Variants in ZC3HC1 observed in about 807,000 individuals in gnomAD.
ZC3HC1 encodes zinc finger C3HC-type containing 1.
A neutral mutation model predicts 61.9 loss-of-function variants in ZC3HC1; 38 were observed. The observed-to-expected ratio is 0.61, with a 90% CI of 0.47 to 0.81. The LOEUF (loss-of-function observed/expected upper bound fraction) is 0.81, where lower values mean the gene tolerates loss of function less well. ZC3HC1 is among the 30% of genes least tolerant of loss of function. The pLI, the probability that ZC3HC1 is intolerant of heterozygous loss-of-function variation, is 0.00. For missense variants in ZC3HC1, 554 were observed against 622.7 expected (o/e 0.89, Z 1.17); for synonymous variants, 213 against 229.9 (o/e 0.93, Z 0.67).
chr7:130,044,338 A>G (rs1794789569), intron 2 of ZC3HC1, among the ~76,000 whole-genome samples: 1 of 152,196 alleles, frequency 6.6e-6, no homozygotes, highest in African/African-American at 2.4e-5. Context: ...CTTTTAAATA[A>G]CATTCTCCAC....
chr7:130,030,823 T>G (rs1794149992), intron 4 of ZC3HC1, among the ~76,000 whole-genome samples: 1 of 151,510 alleles, frequency 6.6e-6, no homozygotes, highest in Non-Finnish European at 1.5e-5. Context: ...CGCCCGCCAC[T>G]GCGCCTGGCT....
In ZC3HC1 at chr7:130,039,523, T is replaced by G. The variant is rs201190884; in HGVS notation, c.434A>C (p.Lys145Thr). 2.0e-5 allele frequency: 33 copies of G among 1,612,538 alleles called. No individual in the cohort carries two copies. The change falls in exon 4 of 10, where the codon AAG becomes ACG. Residue 145 changes from lysine to threonine, a missense_variant. Lys to Thr is a moderately conservative substitution (Grantham distance 78, BLOSUM62 -1). Coordinates refer to ENST00000358303, the MANE Select transcript of ZC3HC1 (RefSeq NM_016478.5). ...CTCATGGGCAGTACACAAGGCTTTC[T>G]TCAGCTCAGCACATCGTTGCTTATC... is the stretch of plus-strand genomic sequence containing the variant. The part of the protein sequence containing the change: ...DRYKQRCAEL[K>T]KALCTAHEKF...
chr7:130,050,941 A>C (rs1795050834), intron 1 of ZC3HC1, among the ~76,000 whole-genome samples: 2 of 152,354 alleles, frequency 1.3e-5, no homozygotes, highest in South Asian at 4.1e-4. Flanking sequence ...AAGAATCCCC[A>C]ATTAAGAGAA....
At chr7:130,021,706 C>T (rs1408047613) in intron 9 of ZC3HC1, among the ~76,000 whole-genome samples, 2 of 152,180 alleles carry the variant, frequency 1.3e-5, no homozygotes, top group Non-Finnish European at 2.9e-5. Context: ...CAACATGAGG[C>T]CGGAGCAGCT....
At chr7:130,020,667 C>T (rs1050132175) in intron 9 of ZC3HC1, among the ~76,000 whole-genome samples, 2 of 151,298 alleles carry the variant, frequency 1.3e-5, no homozygotes, top group Non-Finnish European at 2.9e-5. Flanking sequence ...GACACACTAC[C>T]GAAAAAAAAA....
chr7:130,024,164 A>G, intron 7 of ZC3HC1, 99 bp downstream of exon 7: 1 of 1,451,620 alleles, frequency 6.9e-7, no homozygotes, highest in Middle Eastern at 2.2e-4. Context: ...TAGTGGGAAG[A>G]GAAGCCTATC....
Position 130,022,405 on chromosome 7 carries a change from C to G in ZC3HC1, c.1354G>C (p.Ala452Pro), listed in dbSNP as rs149257210. ...GCTTTCCAGCCTGGCTCTGCTGGGG[C>G]GCTGGCATCTGGTTCAGTTCCACCA... ...ENGGTEPDAS[A>P]PAEPGWKAVL... Residue 452 changes from alanine to proline, a missense_variant, in exon 9 of 10, where the codon GCC (alanine) becomes CCC (proline). Ala to Pro is a conservative substitution (Grantham distance 27). Coordinates refer to ENST00000358303, the MANE Select transcript of ZC3HC1 (RefSeq NM_016478.5). The G allele has an allele frequency of 6.2e-7, 1 of 1,613,072 alleles. No individual in the cohort carries two copies.
intron 4 of ZC3HC1, 152 bp downstream of exon 4, chr7:130,039,312 C>G (rs112339969): frequency 0.02 from 13,362 of 680,992 alleles, 203 homozygotes; most frequent in Middle Eastern, 0.046. Context: ...CCACTGTACT[C>G]CAGCCTGGGC....
intron 2 of ZC3HC1, among the ~76,000 whole-genome samples, chr7:130,041,868 A>C (rs1794689176): frequency 6.6e-6 from 1 of 152,228 alleles, no homozygotes; most frequent in African/African-American, 2.4e-5. Flanking sequence ...ATTAAGGAGA[A>C]AGGCAATGAG....
chr7:130,018,854 C>T (rs547908254), intron 9 of ZC3HC1, 122 bp from the exon 10 acceptor site: 8 of 803,514 alleles, frequency 1.0e-5, no homozygotes, highest in Non-Finnish European at 1.6e-5. Flanking sequence ...TTGTAGTATG[C>T]TATACATAAT....
chr7:130,039,101 T>C (rs1372699651), intron 4 of ZC3HC1, among the ~76,000 whole-genome samples: 2 of 151,876 alleles, frequency 1.3e-5, no homozygotes, highest in Non-Finnish European at 2.9e-5. Context: ...TCCCAGCACT[T>C]TGGGAGGCCG....
intron 6 of ZC3HC1, 63 bp from the exon 7 acceptor site, chr7:130,024,569 T>C: frequency 6.5e-7 from 1 of 1,539,608 alleles, no homozygotes; most frequent in Admixed American, 1.9e-5. Flanking sequence ...CTAAGTGCAA[T>C]GTCTTGTGAG....
chr7:130,049,096 C>A lies in ZC3HC1; in HGVS notation c.195G>T (p.Ala65=). ...TTGTAGATTCCAATGAAGGTTGTTC[C>A]GCTTGGGGTGATCCATTAACTGACT... is the stretch of plus-strand genomic sequence containing the variant. ...TSQSVNGSPQ[A]EQPSLESTSK... Residue 65 remains alanine, a synonymous_variant, in exon 2 of 10, where the codon GCG becomes GCT. Coordinates refer to ENST00000358303, the MANE Select transcript of ZC3HC1 (RefSeq NM_016478.5). 11 of 1,609,818 alleles carry A rather than the reference C, an allele frequency of 6.8e-6. No homozygotes were observed. The highest frequency in any genetic ancestry group is 8.5e-6 in the Non-Finnish European group (10 of 1,178,204).
intron 5 of ZC3HC1, chr7:130,026,566 T>C: frequency 3.0e-6 from 1 of 333,364 alleles, no homozygotes; most frequent in Non-Finnish European, 5.5e-6. Context: ...TTGTTAGTAC[T>C]AAATTGTTCA....
At chr7:130,045,981 C>A (rs562068540) in intron 2 of ZC3HC1, among the ~76,000 whole-genome samples, 2 of 150,692 alleles carry the variant, frequency 1.3e-5, no homozygotes, top group Non-Finnish European at 2.9e-5. Context: ...ATAAAAGGAA[C>A]GAGATCATGT....
chr7:130,033,744 G>A (rs79096863), intron 4 of ZC3HC1, among the ~76,000 whole-genome samples: 4,067 of 152,150 alleles, frequency 0.027, 153 homozygotes, highest in African/African-American at 0.092. Context: ...GAGCCACCAC[G>A]CCTGGCCTGT....
At chr7:130,034,899 C>T (rs1414745650) in intron 4 of ZC3HC1, among the ~76,000 whole-genome samples, 1 of 152,116 alleles carries the variant, frequency 6.6e-6, no homozygotes, top group East Asian at 1.9e-4. Context: ...TATAACATCT[C>T]TTCCTTCAAA....
intron 4 of ZC3HC1, among the ~76,000 whole-genome samples, chr7:130,033,966 G>C (rs907707373): frequency 6.6e-6 from 1 of 151,976 alleles, no homozygotes; most frequent in African/African-American, 2.4e-5. Flanking sequence ...ACTACATTTG[G>C]GCCCCTTCTA....
intron 4 of ZC3HC1, among the ~76,000 whole-genome samples, chr7:130,031,243 T>C (rs1483929609): frequency 6.6e-6 from 1 of 150,626 alleles, no homozygotes; most frequent in Non-Finnish European, 1.5e-5. Context: ...GCAGAATCGC[T>C]TGAACCCGGG....
Sources: allele counts gnomAD v4.1 joint callset (sites outside exome capture counted in the v4.1 genomes callset), GRCh38; gene constraint gnomAD v4.1.1; transcripts MANE v1.5; gene names NCBI Gene and HGNC (gene_info 2026-07-23, HGNC 2026-07-21).